NSL1: variants seen among roughly 807,000 people sequenced by gnomAD.
The protein encoded by NSL1 is NSL1 component of MIS12 kinetochore complex, also known as kinetochore-associated protein NSL1 homolog.
In NSL1, 11 loss-of-function variants were observed where a neutral mutation model predicts 25.4. The observed-to-expected ratio is 0.43, with a 90% CI of 0.27 to 0.72. The LOEUF is 0.72. Among genes scored for constraint, NSL1 ranks in the 30% least tolerant of loss-of-function variants. The pLI is 0.19. For synonymous variants in NSL1, 118 were observed against 120.6 expected, an observed-to-expected ratio of 0.98 and a Z score of 0.14; for missense variants, 330 against 342.7, an observed-to-expected ratio of 0.96 and a Z score of 0.29.
chr1:212,757,409 G>A (rs1213020922), intron 4 of NSL1, among the ~76,000 whole-genome samples: 1 of 152,182 alleles, frequency 6.6e-6, no homozygotes, highest in African/African-American at 2.4e-5. Context: ...GGAGACCAGG[G>A]TGTTAGTCTG....
At position 212,736,971 on chromosome 1, in the gene NSL1, T is replaced by C. The variant is rs998711084; in HGVS notation, c.*1437A>G. 1.6e-5 allele frequency: 16 copies of C among 984,358 alleles called. No individual in the cohort carries two copies. Among genetic ancestry groups the C allele is most frequent in the Non-Finnish European group, 1.8e-5 (15 of 829,108 alleles). 61.0% of individuals were successfully genotyped at this position (984,358 alleles called of 1,614,324 possible). On this transcript the variant is annotated 3_prime_UTR_variant, in exon 6 of 6. Transcript: ENST00000366977. The stretch of plus-strand genomic sequence containing the variant: ...CTCTTTTGTTTGGGGACCTCTGAAG[T>C]GAAACAAATCATACAGAATTTTAAT...
In NSL1 at chr1:212,728,102, A is replaced by T. The variant is rs1179780907; in HGVS notation, c.*10306T>A. 1.2e-5 allele frequency: 12 copies of T among 981,050 alleles called. No individual in the cohort carries two copies. Among genetic ancestry groups the T allele is most frequent in the Non-Finnish European group, 1.5e-5 (12 of 826,044 alleles). 60.8% of individuals were successfully genotyped at this position (981,050 alleles called of 1,614,324 possible). On this transcript the variant is annotated 3_prime_UTR_variant, in exon 6 of 6. Transcript: ENST00000366977. ...TTCTCATCTCCACCTCTTTCTCATG[A>T]AATGGGCGTGGTAATAGCCCTTAAT...
At chr1:212,782,169 G>T (rs1660760141) in intron 4 of NSL1, 18 of 710,046 alleles carry the variant, frequency 2.5e-5, no homozygotes, top group South Asian at 2.5e-4. Flanking sequence ...AGATTCCGGG[G>T]TAACACCCCT....
Position 212,727,729 on chromosome 1 carries a change from A to G in NSL1, c.*10679T>C. 1.0e-6 allele frequency: 1 copy of G among 984,832 alleles called. No homozygotes were observed. Among genetic ancestry groups the G allele is most frequent in the Non-Finnish European group, 1.2e-6 (1 of 829,344 alleles). The allele number at this position is 984,832 out of a possible 1,614,324, so 61.0% of individuals were successfully genotyped here. ...TAGCTATGATGATTTATATTTCCCAAGAAATTAACAGCAAAAGTTCATATT... is the reference window on the plus strand; with the variant it reads ...TAGCTATGATGATTTATATTTCCCAGGAAATTAACAGCAAAAGTTCATATT... On this transcript the variant is annotated 3_prime_UTR_variant, in exon 6 of 6. Transcript: ENST00000366977.
chr1:212,779,348 C>G (rs113350757), intron 4 of NSL1, among the ~76,000 whole-genome samples: 51,686 of 134,210 alleles, frequency 0.39, 11,383 homozygotes, highest in Non-Finnish European at 0.49. Flanking sequence ...GTCAGCCCCC[C>G]TCCCGGCCAG....
At chr1:212,784,128 A>G in intron 3 of NSL1, 3 of 244,554 alleles carry the variant, frequency 1.2e-5, no homozygotes, top group Non-Finnish European at 2.3e-5. Flanking sequence ...ACCACTCACT[A>G]TAACTTTCAT....
At chr1:212,757,120 C>T (rs567235604) in intron 4 of NSL1, among the ~76,000 whole-genome samples, 3 of 152,126 alleles carry the variant, frequency 2.0e-5, no homozygotes, top group South Asian at 2.1e-4. Context: ...CAGGGAGTTG[C>T]GAGTATGAAA....
intron 4 of NSL1, among the ~76,000 whole-genome samples, chr1:212,753,826 C>T (rs985166279): frequency 6.6e-6 from 1 of 152,092 alleles, no homozygotes; most frequent in East Asian, 1.9e-4. Context: ...GTAACAAGTA[C>T]TATTAAGGAA....
At position 212,734,009 on chromosome 1, in the gene NSL1, T is replaced by A. The variant is rs564472919; in HGVS notation, c.*4399A>T. Among the ~76,000 whole-genome samples the A allele has an allele frequency of 1.9e-4, 29 of 152,332 alleles. No individual in the cohort carries two copies. The highest frequency in any genetic ancestry group is 2.8e-4 in the Non-Finnish European group (19 of 68,030). Reference sequence around the variant, plus strand: ...CTTTCTGTTTTATTTTTGGGAAAATTTCATTTTATCTCCCAGCCCTCCCAC... The same window carrying A: ...CTTTCTGTTTTATTTTTGGGAAAATATCATTTTATCTCCCAGCCCTCCCAC... On this transcript the variant is annotated 3_prime_UTR_variant, in exon 6 of 6. Coordinates refer to ENST00000366977, the MANE Select transcript of NSL1 (RefSeq NM_015471.4).
rs1657986135 is a variant in NSL1 at position 212,730,889 on chromosome 1, A to G, written c.*7519T>C. ...TGAATATAAATGCCACAAGCCATTA[A>G]TGTGTGAGATTGTGATCCAGGGAAA... On this transcript the variant is annotated 3_prime_UTR_variant, in exon 6 of 6. Coordinates refer to ENST00000366977, the MANE Select transcript of NSL1 (RefSeq NM_015471.4). 2 of 985,318 alleles carry G rather than the reference A, an allele frequency of 2.0e-6. No individual in the cohort carries two copies. Among genetic ancestry groups the G allele is most frequent in the Non-Finnish European group, 1.2e-6 (1 of 829,944 alleles). 61.0% of individuals were successfully genotyped at this position (985,318 alleles called of 1,614,324 possible).
chr1:212,775,170 TTTATATG>T (rs1488359980), intron 4 of NSL1, among the ~76,000 whole-genome samples: 1 of 152,214 alleles, frequency 6.6e-6, no homozygotes, highest in African/African-American at 2.4e-5. Flanking sequence ...CATGATTCAA[TTTATATG>T]AAATGTCCAG....
intron 4 of NSL1, among the ~76,000 whole-genome samples, chr1:212,764,406 A>G (rs528826064): frequency 5.9e-5 from 9 of 152,350 alleles, no homozygotes; most frequent in African/African-American, 2.2e-4. Context: ...CAGGAGAAGA[A>G]GTAACAAAGA....
intron 4 of NSL1, among the ~76,000 whole-genome samples, chr1:212,773,561 A>T (rs972925724): frequency 6.6e-6 from 1 of 152,200 alleles, no homozygotes; most frequent in Non-Finnish European, 1.5e-5. Flanking sequence ...TGTGAAGAAA[A>T]GGGAACTTTT....
chr1:212,731,476 C>T lies in NSL1; in HGVS notation c.*6932G>A. 2.0e-6 allele frequency: 2 copies of T among 985,296 alleles called. No homozygotes were observed. Among genetic ancestry groups the T allele is most frequent in the Non-Finnish European group, 2.4e-6 (2 of 829,908 alleles). 61.0% of individuals were successfully genotyped at this position (985,296 alleles called of 1,614,324 possible). A position where few individuals can be genotyped will look rare whatever the true frequency, so the allele number is the denominator to read the frequency against. ...TCTGAAACCCTGAAAAACTGAAACC[C>T]CGAGAAAGGTTCTAGGGGATGATTT... On this transcript the variant is annotated 3_prime_UTR_variant, in exon 6 of 6. Transcript: ENST00000366977.
rs1657982844 is a variant in NSL1 at position 212,730,820 on chromosome 1, T to C, written c.*7588A>G. The C allele has an allele frequency of 4.1e-6, 4 of 985,354 alleles. No homozygotes were observed. The African/African-American group carries it at 5.2e-5, about 13-fold the overall frequency. The allele number at this position is 985,354 out of a possible 1,614,324, so 61.0% of individuals were successfully genotyped here. ...TCCCAGTGATCTGTCCTCAGTTTTT[T>C]ACCTCTCCCCTCCCCACACTCACCT... On this transcript the variant is annotated 3_prime_UTR_variant, in exon 6 of 6. Transcript: ENST00000366977.
Position 212,737,512 on chromosome 1 carries a change from T to C in NSL1, c.*896A>G. The C allele has an allele frequency of 1.0e-6, 1 of 982,692 alleles. No individual in the cohort carries two copies. Among genetic ancestry groups the C allele is most frequent in the South Asian group, 4.7e-5 (1 of 21,234 alleles). The allele number at this position is 982,692 out of a possible 1,614,324, so 60.9% of individuals were successfully genotyped here. A position where few individuals can be genotyped will look rare whatever the true frequency, so the allele number is the denominator to read the frequency against. Reference sequence around the variant, plus strand: ...GCTATAAGAAACTATAGTTAAATGTTAGAAGTAAAGCCAATATCGTTTTCT... The same window carrying C: ...GCTATAAGAAACTATAGTTAAATGTCAGAAGTAAAGCCAATATCGTTTTCT... On this transcript the variant is annotated 3_prime_UTR_variant, in exon 6 of 6. Transcript: ENST00000366977.
intron 4 of NSL1, among the ~76,000 whole-genome samples, chr1:212,776,106 C>T (rs955393382): frequency 2.6e-5 from 4 of 152,298 alleles, no homozygotes; most frequent in Admixed American, 1.3e-4. Context: ...TGAGCCACTG[C>T]GCCCAGCCCG....
In NSL1 at chr1:212,728,850, A is replaced by T. The variant is rs1657892441; in HGVS notation, c.*9558T>A. On this transcript the variant is annotated 3_prime_UTR_variant, in exon 6 of 6. Coordinates refer to ENST00000366977, the MANE Select transcript of NSL1 (RefSeq NM_015471.4). ...AGAGAAAATTAAGTCTAGTGTTTGC[A>T]GGAGGGCAAGACTGGGAGTGCTGGG... 1 of 985,262 alleles carries T rather than the reference A, an allele frequency of 1.0e-6. No homozygotes were observed. Among genetic ancestry groups the T allele is most frequent in the South Asian group, 4.7e-5 (1 of 21,288 alleles). The allele number at this position is 985,262 out of a possible 1,614,324, so 61.0% of individuals were successfully genotyped here. A position where few individuals can be genotyped will look rare whatever the true frequency, so the allele number is the denominator to read the frequency against.
At position 212,764,518 on chromosome 1, in the gene NSL1, T is replaced by C. The variant is rs190480392; in HGVS notation, c.499+17854A>G. Among the ~76,000 whole-genome samples, 4 of 152,142 alleles carry C rather than the reference T, an allele frequency of 2.6e-5. No homozygotes were observed. The East Asian group carries it at 5.8e-4, about 22-fold the overall frequency. On this transcript the variant is annotated intron_variant, in intron 4 of 5. Coordinates refer to ENST00000366977, the MANE Select transcript of NSL1 (RefSeq NM_015471.4). ...TCTTTGAAAAGATAAACAAAATTGATAGACCATTAGTGAGATTAACCAAGA... is the reference window on the plus strand; with the variant it reads ...TCTTTGAAAAGATAAACAAAATTGACAGACCATTAGTGAGATTAACCAAGA...
Sources: gnomAD v4.1 joint callset for allele counts (sites outside exome capture counted in the v4.1 genomes callset) on GRCh38, gnomAD v4.1.1 for gene constraint, MANE v1.5 for transcripts, NCBI Gene and HGNC (gene_info 2026-07-23, HGNC 2026-07-21) for gene names.